Variants in TUSC3 observed in about 807,000 individuals in gnomAD.
The protein encoded by TUSC3 is tumor suppressor candidate 3.
In TUSC3, 45 loss-of-function variants were observed where a neutral mutation model predicts 44.8. The observed-to-expected ratio is 1.00, with a 90% CI of 0.79 to 1.29. TUSC3 has a LOEUF of 1.29. TUSC3 is among the 50% of genes most tolerant of loss of function. The probability of loss-of-function intolerance (pLI) is 0.00; values close to 1 mark genes in which losing one functional copy is unlikely to be tolerated. For missense variants in TUSC3, 519 were observed against 437.9 expected (o/e 1.19, Z -1.65); for synonymous variants, 212 against 152.9 (o/e 1.39, Z -2.85).
At chr8:15,516,023 T>C (rs1443871830) in intron 2 of TUSC3, among the ~76,000 whole-genome samples, 1 of 152,150 alleles carries the variant, frequency 6.6e-6, no homozygotes, top group African/African-American at 2.4e-5. Context: ...TTTCTCAGAA[T>C]TTTCTATTGT....
chr8:15,661,109 T>C (rs552574298), intron 4 of TUSC3, among the ~76,000 whole-genome samples: 88 of 152,086 alleles, frequency 5.8e-4, no homozygotes, highest in African/African-American at 2.0e-3. Context: ...CAGACACATA[T>C]GCACAATTTT....
chr8:15,694,416 A>C (rs907023572), intron 6 of TUSC3, among the ~76,000 whole-genome samples: 1 of 147,262 alleles, frequency 6.8e-6, no homozygotes. Flanking sequence ...AGCGTGAGCA[A>C]CAAGACGGAA....
intron 6 of TUSC3, among the ~76,000 whole-genome samples, chr8:15,701,451 C>T (rs1210226925): frequency 6.6e-6 from 1 of 152,090 alleles, no homozygotes; most frequent in Admixed American, 6.6e-5. Context: ...CATTTTTAAG[C>T]CATAGAATAA....
intron 10 of TUSC3, among the ~76,000 whole-genome samples, chr8:15,761,355 A>T (rs1376106735): frequency 6.6e-6 from 1 of 152,160 alleles, no homozygotes; most frequent in East Asian, 1.9e-4. Flanking sequence ...TCCCTGATGG[A>T]CTTTAAGCAA....
chr8:15,536,142 C>T (rs1801518795), upstream of TUSC3, among the ~76,000 whole-genome samples: 1 of 152,096 alleles, frequency 6.6e-6, no homozygotes, highest in South Asian at 2.1e-4. Flanking sequence ...ACAAAGGGAA[C>T]AGCAGTACAA....
intron 2 of TUSC3, among the ~76,000 whole-genome samples, chr8:15,512,749 G>T (rs1398607125): frequency 6.6e-6 from 1 of 151,170 alleles, no homozygotes; most frequent in Non-Finnish European, 1.5e-5. Context: ...TTACAGCCTG[G>T]GCAACAGAAC....
At chr8:15,814,493 C>G in the TUSC3 span, among the ~76,000 whole-genome samples, 1 of 152,170 alleles carries the variant, frequency 6.6e-6, no homozygotes, top group South Asian at 2.1e-4. Context: ...AATATGTATA[C>G]ATTTGATTCA....
At chr8:15,718,749 C>T (rs564321893) in intron 6 of TUSC3, among the ~76,000 whole-genome samples, 1 of 152,158 alleles carries the variant, frequency 6.6e-6, no homozygotes, top group South Asian at 2.1e-4. Flanking sequence ...CATATATCCT[C>T]AGTTGAACTT....
chr8:15,837,766 G>T, the TUSC3 span, among the ~76,000 whole-genome samples: 2 of 151,878 alleles, frequency 1.3e-5, no homozygotes, highest in Non-Finnish European at 2.9e-5. Context: ...CTTTTGTCTG[G>T]CCTGTAACAA....
intron 5 of TUSC3, among the ~76,000 whole-genome samples, chr8:15,666,991 C>G (rs1807690607): frequency 6.6e-6 from 1 of 151,470 alleles, no homozygotes; most frequent in African/African-American, 2.4e-5. Flanking sequence ...CATTTTAAAA[C>G]TACTCATATA....
At chr8:15,436,525 G>T (rs535363888) in intron 1 of TUSC3, among the ~76,000 whole-genome samples, 3 of 152,146 alleles carry the variant, frequency 2.0e-5, no homozygotes, top group Admixed American at 2.0e-4. Flanking sequence ...TTATGCCGAA[G>T]AAATAGAGGT....
intron 1 of TUSC3, among the ~76,000 whole-genome samples, chr8:15,477,363 A>T (rs1438864280): frequency 1.3e-5 from 2 of 152,174 alleles, no homozygotes; most frequent in African/African-American, 4.8e-5. Context: ...GATAGTTAAT[A>T]CTGCTAATAA....
chr8:15,465,426 C>G (rs1366752088), intron 1 of TUSC3, among the ~76,000 whole-genome samples: 2 of 152,156 alleles, frequency 1.3e-5, no homozygotes, highest in Non-Finnish European at 2.9e-5. Context: ...CCAATGTGGT[C>G]CACAATCTCA....
intron 1 of TUSC3, among the ~76,000 whole-genome samples, chr8:15,571,762 CT>C (rs1802886578): frequency 6.6e-6 from 1 of 152,142 alleles, no homozygotes; most frequent in Non-Finnish European, 1.5e-5. Flanking sequence ...CTCTCAAACC[CT>C]GCCACTGCTC....
At chr8:15,803,456 T>G in the TUSC3 span, among the ~76,000 whole-genome samples, 2 of 149,334 alleles carry the variant, frequency 1.3e-5, no homozygotes, top group African/African-American at 2.6e-5. Flanking sequence ...AAGCAAGAAC[T>G]AAAGAATTTA....
chr8:15,798,130 T>C, the TUSC3 span, among the ~76,000 whole-genome samples: 2 of 152,216 alleles, frequency 1.3e-5, no homozygotes, highest in Non-Finnish European at 2.9e-5. Context: ...TCAAAAACAT[T>C]GCCTCTGGCA....
At chr8:15,754,037 T>C (rs1386975362) in intron 9 of TUSC3, among the ~76,000 whole-genome samples, 1 of 152,072 alleles carries the variant, frequency 6.6e-6, no homozygotes, top group Non-Finnish European at 1.5e-5. Flanking sequence ...TGTTAAAGAA[T>C]ATTTTGGTAT....
At chr8:15,424,010 G>C (rs1799775005) in intron 1 of TUSC3, among the ~76,000 whole-genome samples, 1 of 31,140 alleles carries the variant, frequency 3.2e-5, no homozygotes, top group Non-Finnish European at 9.7e-5. Flanking sequence ...TTTTTTTTGA[G>C]AAGGAGTTTT....
intron 2 of TUSC3, among the ~76,000 whole-genome samples, chr8:15,484,482 G>C (rs949352148): frequency 1.3e-5 from 2 of 152,318 alleles, no homozygotes; most frequent in East Asian, 1.9e-4. Flanking sequence ...CATAGAGCAA[G>C]TACGAAATAA....
Sources: gnomAD v4.1 joint callset for allele counts (sites outside exome capture counted in the v4.1 genomes callset) on GRCh38, gnomAD v4.1.1 for gene constraint, MANE v1.5 for transcripts, NCBI Gene and HGNC (gene_info 2026-07-23, HGNC 2026-07-21) for gene names.